LAMA2: variants seen among roughly 807,000 people sequenced by gnomAD.
The protein encoded by LAMA2 is laminin subunit alpha-2.
In LAMA2, 269 loss-of-function variants were observed where a neutral mutation model predicts 364.8. That is an observed-to-expected ratio of 0.74 (90% CI 0.67 to 0.82). The LOEUF is 0.82. Among genes scored for constraint, LAMA2 ranks in the 40% least tolerant of loss-of-function variants. The pLI is 0.00. For synonymous variants in LAMA2, 1,379 were observed against 1,370.6 expected, an observed-to-expected ratio of 1.01 and a Z score of -0.14; for missense variants, 3,807 against 3,873.2, an observed-to-expected ratio of 0.98 and a Z score of 0.45.
At chr6:129,489,874 T>TA (rs975696402) in intron 56 of LAMA2, among the ~76,000 whole-genome samples, 1 of 151,106 alleles carries the variant, frequency 6.6e-6, no homozygotes, top group African/African-American at 2.4e-5. Flanking sequence ...AAATAAGAAA[T>TA]AGGGTATAAG....
At chr6:129,233,712 T>A (rs1026733675) in intron 12 of LAMA2, among the ~76,000 whole-genome samples, 24 of 152,184 alleles carry the variant, frequency 1.6e-4, no homozygotes, top group African/African-American at 5.8e-4. Context: ...TTCAAACCTG[T>A]GTTGTTCAGG....
Position 129,190,254 on chromosome 6 carries a change from A to G in LAMA2, c.1517A>G (p.Asn506Ser), listed in dbSNP as rs777597861. ...AGTCGTTGCAAATCCGGCTTCTTCA[A>G]TTTGCAAGAGGATAATTGGAAAGGC... ...DCSRCKSGFF[N>S]LQEDNWKGCD... The change falls in exon 11 of 65, where the codon AAT becomes AGT. Residue 506 changes from asparagine to serine, a missense_variant. Physicochemically the swap from Asn to Ser is conservative, Grantham distance 46 (BLOSUM62 1). Coordinates refer to ENST00000421865, the MANE Select transcript of LAMA2 (RefSeq NM_000426.4). The G allele has an allele frequency of 1.2e-6, 2 of 1,613,828 alleles. No individual in the cohort carries two copies. Among genetic ancestry groups the G allele is most frequent in the East Asian group, 2.2e-5 (1 of 44,870 alleles).
intron 41 of LAMA2, among the ~76,000 whole-genome samples, chr6:129,430,184 C>T (rs1781519823): frequency 6.6e-6 from 1 of 152,130 alleles, no homozygotes. Flanking sequence ...CTACCAGGAA[C>T]TGCTGAAATA....
chr6:129,456,853 TACTC>T (rs1202373931), intron 48 of LAMA2, among the ~76,000 whole-genome samples: 2 of 152,186 alleles, frequency 1.3e-5, no homozygotes, highest in South Asian at 2.1e-4. Context: ...ATAAAGTTCA[TACTC>T]ACATCTAATT....
chr6:129,017,431 T>C (rs1428427706), intron 1 of LAMA2, among the ~76,000 whole-genome samples: 2 of 152,054 alleles, frequency 1.3e-5, no homozygotes, highest in Non-Finnish European at 1.5e-5. Context: ...TGTAAAAATA[T>C]AGATTATTTA....
At chr6:129,276,900 C>T (rs1788364299) in intron 17 of LAMA2, among the ~76,000 whole-genome samples, 1 of 151,942 alleles carries the variant, frequency 6.6e-6, no homozygotes, top group African/African-American at 2.4e-5. Context: ...CATTCACATA[C>T]ATAAACATAT....
intron 54 of LAMA2, 97 bp downstream of exon 54, chr6:129,478,910 T>A: frequency 8.8e-7 from 1 of 1,135,568 alleles, no homozygotes; most frequent in Non-Finnish European, 1.3e-6. Flanking sequence ...TGTTAATATA[T>A]TTTACTTTTC....
At chr6:128,989,620 T>C (rs995295604) in intron 1 of LAMA2, among the ~76,000 whole-genome samples, 11 of 152,188 alleles carry the variant, frequency 7.2e-5, no homozygotes, top group African/African-American at 2.4e-4. Context: ...ACATAGTAGG[T>C]GCTCCTAAAT....
chr6:129,222,934 G>T (rs1381133708), intron 12 of LAMA2, among the ~76,000 whole-genome samples: 1 of 152,100 alleles, frequency 6.6e-6, no homozygotes, highest in Non-Finnish European at 1.5e-5. Flanking sequence ...TTCCACAATG[G>T]TTGAACTAGT....
Position 129,444,019 on chromosome 6 carries a change from C to A in LAMA2, c.6274+951C>A, listed in dbSNP as rs554345139. Among the ~76,000 whole-genome samples, 59 of 152,138 alleles carry A rather than the reference C, an allele frequency of 3.9e-4. No homozygotes were observed. In the South Asian group the frequency reaches 0.012, roughly 31 times the overall value. On this transcript the variant is annotated intron_variant, in intron 44 of 64. Transcript: ENST00000421865. ...TAGACCTGATAAATCAAAAAGGTGA[C>A]TCCTTAGGAATATAGATTAAAAATT...
rs537361800 is a variant in LAMA2, at chr6:128,890,798, C to G, written c.112+7441C>G. The stretch of plus-strand genomic sequence containing the variant: ...GTATTTATTATACTGTATAATGAAC[C>G]CTTTAAGAATAGTCAATGTGTAAAT... On this transcript the variant is annotated intron_variant, in intron 1 of 64. Transcript: ENST00000421865. Among the ~76,000 whole-genome samples the G allele has an allele frequency of 7.9e-5, 12 of 151,920 alleles. No individual in the cohort carries two copies. In the East Asian group the frequency reaches 2.3e-3, roughly 29 times the overall value.
intron 53 of LAMA2, among the ~76,000 whole-genome samples, chr6:129,478,235 A>G (rs1784174043): frequency 7.7e-6 from 1 of 130,146 alleles, no homozygotes; most frequent in South Asian, 2.6e-4. Flanking sequence ...AAAGCCTCAA[A>G]TAAAAAAAAA....
chr6:129,463,262 A>G (rs929060304), intron 49 of LAMA2, among the ~76,000 whole-genome samples: 3 of 152,066 alleles, frequency 2.0e-5, no homozygotes, highest in Admixed American at 1.3e-4. Context: ...TTATGAAAGA[A>G]TAGGGGCTTT....
Position 129,270,626 on chromosome 6 carries a change from C to A in LAMA2, c.2325C>A (p.Asn775Lys), listed in dbSNP as rs139351727. ...TCTGATGCTCATTTCTTTCTCAGAA[C>A]TGTAAGGATCACACAGGTGGCCCAT... ...SCDDVTGECL[N>K]CKDHTGGPYC... Residue 775 changes from asparagine (N) to lysine (K), a missense_variant and splice_region_variant, in exon 17 of 65, where the codon AAC becomes AAA. Physicochemically the swap from Asn to Lys is moderately conservative, Grantham distance 94. This residue lies in a region of LAMA2 where 3,333 missense variants were observed against 3,345.7 expected (regional missense o/e 1.00). Coordinates refer to ENST00000421865, the MANE Select transcript of LAMA2 (RefSeq NM_000426.4). 53 of 1,612,910 alleles carry A rather than the reference C, an allele frequency of 3.3e-5. No homozygotes were observed. The African/African-American group carries it at 6.9e-4, about 21-fold the overall frequency.
intron 1 of LAMA2, among the ~76,000 whole-genome samples, chr6:129,032,106 C>T (rs1284312027): frequency 6.6e-6 from 1 of 152,220 alleles, no homozygotes; most frequent in African/African-American, 2.4e-5. Context: ...GCGTGAGCCA[C>T]CAGGCCCATC....
At chr6:129,177,992 C>A in intron 10 of LAMA2, 126 bp downstream of exon 10, 1 of 963,694 alleles carries the variant, frequency 1.0e-6, no homozygotes, top group Non-Finnish European at 1.6e-6. Flanking sequence ...ATCTATTCTA[C>A]GTGTGGTGAC....
intron 12 of LAMA2, among the ~76,000 whole-genome samples, chr6:129,225,003 A>G (rs897457588): frequency 6.6e-6 from 1 of 152,146 alleles, no homozygotes; most frequent in Non-Finnish European, 1.5e-5. Flanking sequence ...TATTGCCTCA[A>G]TTTCAGAGCC....
intron 10 of LAMA2, among the ~76,000 whole-genome samples, chr6:129,185,464 G>A (rs1436269711): frequency 5.3e-5 from 8 of 151,758 alleles, no homozygotes; most frequent in Non-Finnish European, 1.0e-4. Flanking sequence ...TTTTTGTAGC[G>A]TAGGCCACAA....
intron 1 of LAMA2, among the ~76,000 whole-genome samples, chr6:128,920,127 C>G (rs895119229): frequency 1.3e-5 from 2 of 151,846 alleles, no homozygotes; most frequent in African/African-American, 4.8e-5. Flanking sequence ...GTTAACCTGA[C>G]TAATGCATAC....
Sources: gnomAD v4.1 joint callset for allele counts (sites outside exome capture counted in the v4.1 genomes callset) on GRCh38, gnomAD v4.1.1 for gene constraint, gnomAD v4.1.1 regional missense constraint, MANE v1.5 for transcripts, NCBI Gene and HGNC (gene_info 2026-07-23, HGNC 2026-07-21) for gene names.